Variants in NETO1 observed in about 807,000 individuals in gnomAD.
The protein encoded by NETO1 is neuropilin and tolloid like 1, also known as neuropilin and tolloid-like protein 1.
Under a neutral mutation model 61.3 loss-of-function variants are expected in NETO1, and 26 were observed. The ratio of observed to expected loss-of-function variants is 0.42; its 90% CI spans 0.31 to 0.59. The LOEUF (loss-of-function observed/expected upper bound fraction) is 0.59. NETO1 is among the 20% of genes least tolerant of loss of function. The pLI is 0.12. For missense variants in NETO1, 531 were observed against 662.8 expected, an observed-to-expected ratio of 0.80 and a Z score of 2.18; for synonymous variants, 225 against 225.8, an observed-to-expected ratio of 1.00 and a Z score of 0.03.
At chr18:72,849,348 C>T (rs978259721) in intron 4 of NETO1, among the ~76,000 whole-genome samples, 5 of 152,188 alleles carry the variant, frequency 3.3e-5, no homozygotes, top group African/African-American at 1.2e-4. Flanking sequence ...TTCTGTTGAG[C>T]TGTCGTCATC....
intron 4 of NETO1, among the ~76,000 whole-genome samples, chr18:72,817,230 A>G (rs2073057793): frequency 6.6e-6 from 1 of 152,160 alleles, no homozygotes; most frequent in Non-Finnish European, 1.5e-5. Flanking sequence ...CACTGTTGAT[A>G]TGCTCCCTCT....
At position 72,747,112 on chromosome 18, in the gene NETO1, C is replaced by T. The variant is rs573688092; in HGVS notation, c.*1067G>A. ...ATATTTTGGGAAGTAAACCTCAATA[C>T]TGAAGGACATCCTGTACCCTAAAAG... On this transcript the variant is annotated 3_prime_UTR_variant, in exon 11 of 11. Transcript: ENST00000327305. 1 of 152,048 alleles carries T rather than the reference C, an allele frequency of 6.6e-6. No individual in the cohort carries two copies. The highest frequency in any genetic ancestry group is 2.1e-4 in the South Asian group (1 of 4,820). The allele number at this position is 152,048 out of a possible 1,614,324, so 9.4% of individuals were successfully genotyped here. A position where few individuals can be genotyped will look rare whatever the true frequency, so the allele number is the denominator to read the frequency against.
intron 7 of NETO1, among the ~76,000 whole-genome samples, chr18:72,781,129 T>C (rs909713759): frequency 6.6e-6 from 1 of 152,184 alleles, no homozygotes; most frequent in Non-Finnish European, 1.5e-5. Flanking sequence ...TTATCATATG[T>C]CTCTATTATA....
At chr18:72,822,606 A>T (rs571728423) in intron 4 of NETO1, among the ~76,000 whole-genome samples, 1 of 152,340 alleles carries the variant, frequency 6.6e-6, no homozygotes, top group African/African-American at 2.4e-5. Context: ...GTGAGCTCAG[A>T]CATAAAAGAG....
At chr18:72,849,811 G>A (rs2074196313) in intron 4 of NETO1, among the ~76,000 whole-genome samples, 1 of 152,138 alleles carries the variant, frequency 6.6e-6, no homozygotes, top group Admixed American at 6.5e-5. Context: ...TTTCCTTGGA[G>A]GCTGCAGGAG....
rs115419027 is a variant in NETO1, at chr18:72,842,562, T to C, written c.469+16264A>G. Reference sequence around the variant, plus strand: ...TGTTGTATCAAAGATGTTAAGAGCATAAAGCAAAGATAAATTCTAGAATCA... The same window carrying C: ...TGTTGTATCAAAGATGTTAAGAGCACAAAGCAAAGATAAATTCTAGAATCA... On this transcript the variant is annotated intron_variant, in intron 4 of 10. Transcript: ENST00000327305. Among the ~76,000 whole-genome samples the C allele has an allele frequency of 2.2e-3, 336 of 152,228 alleles. 1 individual carries two copies. The highest frequency in any genetic ancestry group is 8.0e-3 in the African/African-American group (333 of 41,540).
intron 4 of NETO1, among the ~76,000 whole-genome samples, chr18:72,844,634 C>CTTTATTTCAT (rs1262943758): frequency 1.3e-5 from 2 of 152,200 alleles, no homozygotes; most frequent in Non-Finnish European, 2.9e-5. Flanking sequence ...ATTCTACATG[C>CTTTATTTCAT]TTTATTTCAT....
intron 4 of NETO1, among the ~76,000 whole-genome samples, chr18:72,846,051 G>A (rs781480765): frequency 6.6e-6 from 1 of 151,984 alleles, no homozygotes; most frequent in Non-Finnish European, 1.5e-5. Flanking sequence ...CTCATAAACA[G>A]TTCAGATAGA....
chr18:72,786,256 T>C (rs1166619036), intron 6 of NETO1, among the ~76,000 whole-genome samples: 3 of 152,224 alleles, frequency 2.0e-5, no homozygotes, highest in Non-Finnish European at 2.9e-5. Flanking sequence ...GAACAAGGTA[T>C]AGCATAGATC....
At chr18:72,761,755 G>A (rs12607048) in intron 7 of NETO1, among the ~76,000 whole-genome samples, 44,787 of 152,016 alleles carry the variant, frequency 0.29, 7,759 homozygotes, top group South Asian at 0.4. Context: ...GTTATCTATG[G>A]GTACCTTAAC....
At chr18:72,856,593 T>C (rs2074416435) in intron 4 of NETO1, among the ~76,000 whole-genome samples, 1 of 152,212 alleles carries the variant, frequency 6.6e-6, no homozygotes, top group South Asian at 2.1e-4. Context: ...TAATTAAAAA[T>C]ATTGAGAGAT....
intron 7 of NETO1, among the ~76,000 whole-genome samples, chr18:72,760,007 T>A (rs2145125720): frequency 6.6e-6 from 1 of 152,298 alleles, no homozygotes; most frequent in East Asian, 1.9e-4. Flanking sequence ...GTTAAAACAC[T>A]AAGAACATAG....
intron 8 of NETO1, among the ~76,000 whole-genome samples, chr18:72,754,081 G>A (rs2070709833): frequency 6.6e-6 from 1 of 152,030 alleles, no homozygotes; most frequent in African/African-American, 2.4e-5. Context: ...AGCTATATAG[G>A]AAGAATGTTT....
chr18:72,765,554 G>A (rs2071125070), intron 7 of NETO1, among the ~76,000 whole-genome samples: 1 of 152,068 alleles, frequency 6.6e-6, no homozygotes, highest in African/African-American at 2.4e-5. Context: ...GAGTAGCTGG[G>A]ATTACAGGCA....
At chr18:72,772,821 CTCTCTATATATATATATA>C (rs1486062695) in intron 7 of NETO1, among the ~76,000 whole-genome samples, 37 of 50,674 alleles carry the variant, frequency 7.3e-4, no homozygotes, top group South Asian at 9.9e-4. Flanking sequence ...CTCTCTCTCT[CTCTCTATATATATATATA>C]TATATATATA....
intron 4 of NETO1, among the ~76,000 whole-genome samples, chr18:72,831,115 C>A (rs924917677): frequency 6.6e-6 from 1 of 152,152 alleles, no homozygotes; most frequent in African/African-American, 2.4e-5. Context: ...AACAACAGCC[C>A]ATCTATTCAC....
At chr18:72,866,570 TTA>T (rs1180808672) in intron 1 of NETO1, among the ~76,000 whole-genome samples, 1 of 152,150 alleles carries the variant, frequency 6.6e-6, no homozygotes, top group African/African-American at 2.4e-5. Context: ...CGTACTGTGT[TTA>T]ACTCAGCAGC....
intron 7 of NETO1, among the ~76,000 whole-genome samples, chr18:72,780,875 A>G (rs946971404): frequency 6.6e-6 from 1 of 152,220 alleles, no homozygotes; most frequent in African/African-American, 2.4e-5. Flanking sequence ...CTCCTCACTA[A>G]TAAGAGTCAG....
intron 7 of NETO1, among the ~76,000 whole-genome samples, chr18:72,772,825 C>CTATATATATATATATATA (rs59339805): frequency 2.4e-5 from 1 of 40,864 alleles, no homozygotes; most frequent in African/African-American, 1.1e-4. Flanking sequence ...CTCTCTCTCT[C>CTATATATATATATATATA]TATATATATA....
Sources: allele counts gnomAD v4.1 joint callset (sites outside exome capture counted in the v4.1 genomes callset), GRCh38; gene constraint gnomAD v4.1.1; transcripts MANE v1.5; gene names NCBI Gene and HGNC (gene_info 2026-07-23, HGNC 2026-07-21).